ASAP1: variants seen among roughly 807,000 people sequenced by gnomAD.
ASAP1 encodes the protein arf-GAP with SH3 domain, ANK repeat and PH domain-containing protein 1.
Under a neutral mutation model 145.2 loss-of-function variants are expected in ASAP1, and 43 were observed. That is an observed-to-expected ratio of 0.30 (90% confidence interval 0.23 to 0.38). The LOEUF is 0.38. Ranked by LOEUF, ASAP1 falls within the 10% of genes least tolerant of loss-of-function variation. ASAP1 has a pLI of 1.00. For synonymous variants in ASAP1, 546 were observed against 515.5 expected (o/e 1.06, Z -0.80); for missense variants, 1,018 against 1,355.3 (o/e 0.75, Z 3.91).
intron 3 of ASAP1, among the ~76,000 whole-genome samples, chr8:130,351,150 G>A (rs1825971527): frequency 6.6e-6 from 1 of 152,160 alleles, no homozygotes; most frequent in South Asian, 2.1e-4. Context: ...CCAAATAGAG[G>A]TAAAAAGATA....
rs1472453846 is a variant in ASAP1, at chr8:130,118,515, T to C, written c.1768A>G (p.Met590Val). 9.3e-6 allele frequency: 15 copies of C among 1,611,294 alleles called. No individual in the cohort carries two copies. The highest frequency in any genetic ancestry group is 1.2e-5 in the Non-Finnish European group (14 of 1,178,394). The change falls in exon 19 of 30, where the codon ATG becomes GTG. Residue 590 changes from methionine (M) to valine (V), a missense_variant. Transcript: ENST00000518721. ...TGCCCAGGTTCCAGCAGTGGTTCCA[T>C]TAGCTCTACCCCTTCTGCATAGACT... ...IQVYAEGVEL[M>V]EPLLEPGQEL...
intron 15 of ASAP1, among the ~76,000 whole-genome samples, chr8:130,132,972 G>A (rs1374397912): frequency 6.6e-6 from 1 of 152,196 alleles, no homozygotes; most frequent in East Asian, 1.9e-4. Flanking sequence ...AATAACAAAA[G>A]TAAGCGAGTG....
intron 4 of ASAP1, among the ~76,000 whole-genome samples, chr8:130,226,250 T>C (rs1817580627): frequency 6.6e-6 from 1 of 152,130 alleles, no homozygotes; most frequent in Admixed American, 6.5e-5. Flanking sequence ...ACCTGTCCTG[T>C]GACCCGGAAA....
At chr8:130,435,812 C>A (rs1830291924) in intron 1 of ASAP1, among the ~76,000 whole-genome samples, 1 of 152,196 alleles carries the variant, frequency 6.6e-6, no homozygotes, top group Admixed American at 6.5e-5. Flanking sequence ...AAAAAGGCTT[C>A]CGTGCAGATT....
At chr8:130,318,024 TAGAG>T in intron 3 of ASAP1, among the ~76,000 whole-genome samples, 1 of 152,284 alleles carries the variant, frequency 6.6e-6, no homozygotes, top group Non-Finnish European at 1.5e-5. Flanking sequence ...CATCCACTGA[TAGAG>T]AGTTTTTATG....
chr8:130,112,804 ATTAC>A (rs1219848957), intron 23 of ASAP1, among the ~76,000 whole-genome samples: 2 of 152,180 alleles, frequency 1.3e-5, no homozygotes, highest in Non-Finnish European at 2.9e-5. Context: ...CTACACAATA[ATTAC>A]TTACAGATCT....
At chr8:130,442,944 C>T (rs1356738040) in intron 1 of ASAP1, among the ~76,000 whole-genome samples, 1 of 152,168 alleles carries the variant, frequency 6.6e-6, no homozygotes, top group Admixed American at 6.5e-5. Flanking sequence ...CCCCCCACCC[C>T]CTTCCCTTTC....
intron 3 of ASAP1, among the ~76,000 whole-genome samples, chr8:130,248,832 T>C (rs1370044622): frequency 6.6e-6 from 1 of 152,186 alleles, no homozygotes; most frequent in Non-Finnish European, 1.5e-5. Context: ...GGCACAAAGA[T>C]GTTCACCCGG....
rs964392935 is a variant in ASAP1 at position 130,419,735 on chromosome 8, C to T, written c.-27-17765G>A. Among the ~76,000 whole-genome samples the T allele has an allele frequency of 4.6e-5, 7 of 152,184 alleles. 1 individual carries two copies. The highest frequency in any genetic ancestry group is 1.4e-4 in the African/African-American group (6 of 41,538). ...GGAGGGAGAGGGAGGCTGAGGCATCCGATCTCTTCCCTGGGGCTCCCTCTC... is the reference window on the plus strand; with the variant it reads ...GGAGGGAGAGGGAGGCTGAGGCATCTGATCTCTTCCCTGGGGCTCCCTCTC... On this transcript the variant is annotated intron_variant, in intron 1 of 29. Transcript: ENST00000518721.
At chr8:130,116,632 A>C in intron 22 of ASAP1, 46 bp downstream of exon 22, 2 of 1,522,720 alleles carry the variant, frequency 1.3e-6, no homozygotes, top group Non-Finnish European at 1.8e-6. Context: ...TGACACTTTT[A>C]AGGCAGCCAA....
chr8:130,072,232 T>TA (rs2097448165), intron 27 of ASAP1, among the ~76,000 whole-genome samples: 1 of 152,196 alleles, frequency 6.6e-6, no homozygotes, highest in South Asian at 2.1e-4. Flanking sequence ...CTGCACCTGA[T>TA]ATAGCTTGGC....
At chr8:130,279,411 C>T (rs568858971) in intron 3 of ASAP1, among the ~76,000 whole-genome samples, 7 of 152,244 alleles carry the variant, frequency 4.6e-5, no homozygotes, top group African/African-American at 1.4e-4. Context: ...GCTCACAAAC[C>T]GCAGTGGATG....
chr8:130,358,779 T>G lies in ASAP1; in HGVS notation c.60-636A>C, dbSNP rs946052257. On this transcript the variant is annotated intron_variant, in intron 2 of 29. Transcript: ENST00000518721. The surrounding 1 kb of genome is among the most constrained non-coding windows in gnomAD (Gnocchi z 4.1). ...CCCGCCCCCGCTCGCGCACAGCCCC[T>G]GGGGCCTGGCTCCGAAGCTGCCGCT... Among the ~76,000 whole-genome samples the G allele has an allele frequency of 8.6e-6, 1 of 116,840 alleles. No homozygotes were observed. The highest frequency in any genetic ancestry group is 3.3e-5 in the African/African-American group (1 of 30,552). 76.7% of individuals were successfully genotyped at this position (116,840 alleles called of 152,430 possible). A position where few individuals can be genotyped will look rare whatever the true frequency, so the allele number is the denominator to read the frequency against.
At chr8:130,322,083 T>C (rs770159564) in intron 3 of ASAP1, among the ~76,000 whole-genome samples, 1 of 152,180 alleles carries the variant, frequency 6.6e-6, no homozygotes, top group Admixed American at 6.5e-5. Context: ...CGGTTCTTCA[T>C]CTCTAGAGAT....
chr8:130,288,602 C>A (rs1193240805), intron 3 of ASAP1, among the ~76,000 whole-genome samples: 4 of 152,182 alleles, frequency 2.6e-5, no homozygotes, highest in Non-Finnish European at 5.9e-5. Context: ...CTAAGCAGGG[C>A]AGTGTAGAGG....
chr8:130,279,916 G>A (rs950867457), intron 3 of ASAP1, among the ~76,000 whole-genome samples: 8 of 152,302 alleles, frequency 5.3e-5, no homozygotes, highest in African/African-American at 1.9e-4. Context: ...CAACTAAAAA[G>A]AGGAGATGGG....
At chr8:130,248,987 C>T (rs558017357) in intron 3 of ASAP1, among the ~76,000 whole-genome samples, 166 of 152,246 alleles carry the variant, frequency 1.1e-3, no homozygotes, top group African/African-American at 3.9e-3. Context: ...TAGATTCGAA[C>T]CCTTGGGCTC....
rs1829247545 is a variant in ASAP1, at chr8:130,411,104, C to T, written c.-27-9134G>A. Among the ~76,000 whole-genome samples the T allele has an allele frequency of 2.6e-5, 4 of 152,340 alleles. No homozygotes were observed. In the South Asian group the frequency reaches 8.3e-4, roughly 32 times the overall value. On this transcript the variant is annotated intron_variant, in intron 1 of 29. Coordinates refer to ENST00000518721, the MANE Select transcript of ASAP1 (RefSeq NM_018482.4). ...CTCGAACTCCTGACCTCAGGTGATC[C>T]ACCCACCTTGGGCCCCCAAATTGCT...
chr8:130,118,202 A>G lies in ASAP1; in HGVS notation c.1839T>C (p.Asp613=), dbSNP rs777817101. 1 of 1,614,012 alleles carries G rather than the reference A, an allele frequency of 6.2e-7. No homozygotes were observed. The highest frequency in any genetic ancestry group is 1.1e-5 in the South Asian group (1 of 91,076). ...TALHLAVRTA[D]QTSLHLVDFL... ...AGTCAACCAAATGGAGAGATGTCTG[A>G]TCTGCAGTTCGGACGGCAAGGTGAA... The change falls in exon 20 of 30, where the codon GAT becomes GAC. Residue 613 remains aspartate, a synonymous_variant. Coordinates refer to ENST00000518721, the MANE Select transcript of ASAP1 (RefSeq NM_018482.4).
Sources: allele counts gnomAD v4.1 joint callset (sites outside exome capture counted in the v4.1 genomes callset), GRCh38; gene constraint gnomAD v4.1.1; non-coding constraint Gnocchi (gnomAD v3.1); transcripts MANE v1.5; gene names NCBI Gene and HGNC (gene_info 2026-07-23, HGNC 2026-07-21).